Variants in EDC3 observed in about 807,000 individuals in gnomAD.
EDC3 encodes enhancer of mRNA-decapping protein 3.
EDC3 carries 20 observed loss-of-function variants against 41.8 expected under a neutral mutation model. That is an observed-to-expected ratio of 0.48 (90% CI 0.34 to 0.70). The LOEUF (loss-of-function observed/expected upper bound fraction) is 0.70, where lower values mean the gene tolerates loss of function less well. EDC3 is among the 30% of genes least tolerant of loss of function. The pLI is 0.01. For missense variants in EDC3, 444 were observed against 636.8 expected, an observed-to-expected ratio of 0.70 and a Z score of 3.26; for synonymous variants, 206 against 243.2, an observed-to-expected ratio of 0.85 and a Z score of 1.42.
chr15:74,654,666 TG>T lies in EDC3; in HGVS notation c.820+1066del, dbSNP rs561594535. On this transcript the variant is annotated intron_variant, in intron 4 of 6. Coordinates refer to ENST00000315127, the MANE Select transcript of EDC3 (RefSeq NM_025083.5). The stretch of plus-strand genomic sequence containing the variant: ...AAAAGACTGACACAGTTCAGCAGCT[TG>T]TTTTTTTTTTAGCAGTCTTTCTTAG... Among the ~76,000 whole-genome samples, 45 of 152,066 alleles carry T rather than the reference TG, an allele frequency of 3.0e-4. 2 individuals carry two copies. The South Asian group carries it at 8.7e-3, about 29-fold the overall frequency.
intron 1 of EDC3, among the ~76,000 whole-genome samples, chr15:74,686,694 C>T (rs1039096024): frequency 6.6e-6 from 1 of 152,122 alleles, no homozygotes; most frequent in Non-Finnish European, 1.5e-5. Context: ...GTGGGAAAAC[C>T]ACTTGAACCC....
intron 4 of EDC3, among the ~76,000 whole-genome samples, chr15:74,646,068 T>G (rs2062414366): frequency 6.7e-6 from 1 of 149,838 alleles, no homozygotes; most frequent in Admixed American, 6.6e-5. Flanking sequence ...TGTTTTGTTT[T>G]TTTTTTTTTT....
intron 5 of EDC3, chr15:74,636,006 A>C (rs1255330828): frequency 9.1e-6 from 2 of 220,516 alleles, no homozygotes; most frequent in Non-Finnish European, 1.8e-5. Context: ...CCTCTCCTGC[A>C]CTTGTAAGGC....
intron 2 of EDC3, among the ~76,000 whole-genome samples, chr15:74,673,708 C>T (rs866887278): frequency 2.6e-5 from 4 of 151,936 alleles, no homozygotes; most frequent in African/African-American, 4.8e-5. Flanking sequence ...GGCATGGTGG[C>T]GGGCACCTGC....
chr15:74,657,437 G>A (rs2062563135), intron 3 of EDC3, among the ~76,000 whole-genome samples: 1 of 152,248 alleles, frequency 6.6e-6, no homozygotes, highest in Non-Finnish European at 1.5e-5. Flanking sequence ...TCCAGTGCTT[G>A]TGCACTCCAG....
rs1240819626 is a variant in EDC3 at position 74,632,427 on chromosome 15, G to T, written c.*185C>A. ...AGCCTGCCACCCAGCCCGGAACCCA[G>T]TGGGAAAGACTTCCCTGGCTAAGAG... On this transcript the variant is annotated 3_prime_UTR_variant, in exon 7 of 7. Coordinates refer to ENST00000315127, the MANE Select transcript of EDC3 (RefSeq NM_025083.5). The surrounding 1 kb of genome is among the most constrained non-coding windows in gnomAD (Gnocchi z 4.0). The T allele has an allele frequency of 1.4e-6, 1 of 727,372 alleles. No homozygotes were observed. Among genetic ancestry groups the T allele is most frequent in the Non-Finnish European group, 2.2e-6 (1 of 454,374 alleles). The allele number at this position is 727,372 out of a possible 1,614,324, so 45.1% of individuals were successfully genotyped here.
chr15:74,655,596 A>T (rs1457414849), intron 4 of EDC3, 137 bp downstream of exon 4: 1 of 847,164 alleles, frequency 1.2e-6, no homozygotes, highest in Non-Finnish European at 1.8e-6. Context: ...CCAAGAGACA[A>T]TAATACCGGG....
chr15:74,676,739 T>G (rs1164924667), intron 1 of EDC3, among the ~76,000 whole-genome samples: 1 of 152,236 alleles, frequency 6.6e-6, no homozygotes, highest in Non-Finnish European at 1.5e-5. Context: ...GATAAAGGTC[T>G]GTTATCCATA....
At chr15:74,690,228 T>C (rs531187991) in intron 1 of EDC3, among the ~76,000 whole-genome samples, 1 of 152,206 alleles carries the variant, frequency 6.6e-6, no homozygotes, top group Non-Finnish European at 1.5e-5. Context: ...ATAATCAAGA[T>C]TTTCCAGATT....
At chr15:74,675,418 TATA>T (rs2062793307) in intron 1 of EDC3, among the ~76,000 whole-genome samples, 1 of 151,824 alleles carries the variant, frequency 6.6e-6, no homozygotes, top group Non-Finnish European at 1.5e-5. Flanking sequence ...TCACACAAAC[TATA>T]ATCTGTTTAT....
At chr15:74,668,639 G>A (rs1165321312) in intron 3 of EDC3, among the ~76,000 whole-genome samples, 1 of 151,964 alleles carries the variant, frequency 6.6e-6, no homozygotes, top group Non-Finnish European at 1.5e-5. Context: ...AGGATCATTT[G>A]AGCCTGGGAG....
chr15:74,661,029 T>G (rs2062614670), intron 3 of EDC3, among the ~76,000 whole-genome samples: 1 of 152,210 alleles, frequency 6.6e-6, no homozygotes, highest in African/African-American at 2.4e-5. Flanking sequence ...AGTGTACAGT[T>G]CAGTGGCATT....
chr15:74,672,868 T>C (rs933472329), intron 2 of EDC3, among the ~76,000 whole-genome samples: 1 of 151,706 alleles, frequency 6.6e-6, no homozygotes, highest in Admixed American at 6.6e-5. Flanking sequence ...GAGGTGTGCA[T>C]AGGAGACTAG....
intron 4 of EDC3, chr15:74,642,477 GAACT>G (rs1156271518): frequency 6.6e-6 from 1 of 152,186 alleles, no homozygotes; most frequent in Non-Finnish European, 1.5e-5. Flanking sequence ...CATATTATCA[GAACT>G]AATTAGGCTG....
In EDC3 at chr15:74,691,037, A is replaced by G. The variant is rs151100317; in HGVS notation, c.-19+4843T>C. Among the ~76,000 whole-genome samples the G allele has an allele frequency of 3.0e-3, 459 of 152,164 alleles. 3 individuals carry two copies. Among genetic ancestry groups the G allele is most frequent in the Non-Finnish European group, 4.3e-3 (295 of 67,994 alleles). ...TGGCAAAACTCTGTCTCTAGAAAAA[A>G]TACAAAAAATTAGTCAGAAGTGTTG... On this transcript the variant is annotated intron_variant, in intron 1 of 6. Coordinates refer to ENST00000315127, the MANE Select transcript of EDC3 (RefSeq NM_025083.5).
intron 3 of EDC3, among the ~76,000 whole-genome samples, chr15:74,669,826 T>C (rs1372533428): frequency 6.6e-6 from 1 of 152,060 alleles, no homozygotes; most frequent in Non-Finnish European, 1.5e-5. Flanking sequence ...AATGAGTTAA[T>C]GAATACTCAT....
rs765905853 is a variant in EDC3 at position 74,655,860 on chromosome 15, G to A, written c.693C>T (p.Thr231=). Residue 231 remains threonine (T), a synonymous_variant, in exon 4 of 7, where the codon ACC becomes ACT. Transcript: ENST00000315127. ...TTTCATTTGGGATGCCCCGGGAACG[G>A]GTACCACTTCTCCTTTCATAGGTAT... ...EIDTYERRSG[T]RSRGIPNERP... 1.2e-6 allele frequency: 2 copies of A among 1,614,016 alleles called. No homozygotes were observed. Among genetic ancestry groups the A allele is most frequent in the South Asian group, 2.2e-5 (2 of 91,078 alleles).
chr15:74,686,845 G>A (rs1025394305), intron 1 of EDC3, among the ~76,000 whole-genome samples: 2 of 151,692 alleles, frequency 1.3e-5, no homozygotes, highest in East Asian at 1.9e-4. Context: ...CAGGCCAGCC[G>A]CAATGGCTCA....
At chr15:74,633,143 G>A (rs1268827004) in intron 6 of EDC3, among the ~76,000 whole-genome samples, 197 bp from the exon 7 acceptor site, 3 of 152,222 alleles carry the variant, frequency 2.0e-5, no homozygotes, top group Non-Finnish European at 4.4e-5. Context: ...GAGTGCTAGA[G>A]ACCAAGTGCA....
Sources: gnomAD v4.1 joint callset for allele counts (sites outside exome capture counted in the v4.1 genomes callset) on GRCh38, gnomAD v4.1.1 for gene constraint, Gnocchi (gnomAD v3.1) non-coding constraint, MANE v1.5 for transcripts, NCBI Gene and HGNC (gene_info 2026-07-23, HGNC 2026-07-21) for gene names.